MLEC: variants seen among roughly 807,000 people sequenced by gnomAD.
MLEC encodes oligosaccharyltransferase complex subunit (non-catalytic).
In MLEC, 7 loss-of-function variants were observed where a neutral mutation model predicts 28.7. The ratio of observed to expected loss-of-function variants is 0.24; its 90% CI spans 0.14 to 0.46. The LOEUF (loss-of-function observed/expected upper bound fraction) is 0.46, where lower values mean the gene tolerates loss of function less well. MLEC is among the 20% of genes least tolerant of loss of function. The pLI is 0.99. For missense variants in MLEC, 237 were observed against 391.1 expected, an observed-to-expected ratio of 0.61 and a Z score of 3.32; for synonymous variants, 142 against 164.4, an observed-to-expected ratio of 0.86 and a Z score of 1.04.
At chr12:120,691,401 C>G (rs1315918311) in intron 1 of MLEC, among the ~76,000 whole-genome samples, 1 of 152,250 alleles carries the variant, frequency 6.6e-6, no homozygotes, top group Non-Finnish European at 1.5e-5. Flanking sequence ...GAGAAAACAA[C>G]TTGTTCAGTG....
In MLEC at chr12:120,695,473, T is replaced by C. The variant is rs966326117; in HGVS notation, c.649+321T>C. 2.6e-5 allele frequency among the ~76,000 whole-genome samples: 4 copies of C among 152,124 alleles called. No individual in the cohort carries two copies. The East Asian group carries it at 5.8e-4, about 22-fold the overall frequency. On this transcript the variant is annotated intron_variant, in intron 4 of 4. Coordinates refer to ENST00000228506, the MANE Select transcript of MLEC (RefSeq NM_014730.4). ...GTAGTCATTTGGGATCACCTAAAAC[T>C]TGTCCTTATTCTGTTTGTTTGACAT... is the stretch of plus-strand genomic sequence containing the variant.
intron 1 of MLEC, among the ~76,000 whole-genome samples, chr12:120,689,657 C>T (rs1349563913): frequency 1.3e-5 from 2 of 152,212 alleles, no homozygotes; most frequent in Non-Finnish European, 2.9e-5. Flanking sequence ...CAAGGGAAGT[C>T]CAGCTGTTCA....
Position 120,694,313 on chromosome 12 carries a change from G to T in MLEC, c.414+44G>T. ...GCTGCTTGACCAGTAGGACATTGCT[G>T]CTCTTGGACAATCCACGATTATGGG... On this transcript the variant is annotated intron_variant, in intron 2 of 4. Transcript: ENST00000228506. The surrounding 1 kb of genome is among the most constrained non-coding windows in gnomAD (Gnocchi z 4.5). 1 of 1,587,120 alleles carries T rather than the reference G, an allele frequency of 6.3e-7. No homozygotes were observed. Among genetic ancestry groups the T allele is most frequent in the Non-Finnish European group, 8.6e-7 (1 of 1,162,456 alleles).
intron 1 of MLEC, among the ~76,000 whole-genome samples, chr12:120,692,959 G>T (rs1395973260): frequency 6.6e-6 from 1 of 152,048 alleles, no homozygotes; most frequent in Non-Finnish European, 1.5e-5. Context: ...GGTGGCTCAC[G>T]CCTGTAATCC....
intron 1 of MLEC, among the ~76,000 whole-genome samples, chr12:120,691,844 C>T (rs1361738757): frequency 6.6e-6 from 1 of 152,008 alleles, no homozygotes; most frequent in Non-Finnish European, 1.5e-5. Flanking sequence ...CAGTTCCTCA[C>T]TTTTTCCACT....
chr12:120,692,201 A>G (rs1227435446), intron 1 of MLEC, among the ~76,000 whole-genome samples: 1 of 152,176 alleles, frequency 6.6e-6, no homozygotes, highest in Non-Finnish European at 1.5e-5. Flanking sequence ...TTCCCCACCC[A>G]TGCACAAAAT....
rs574993917 is a variant in MLEC, at chr12:120,699,084, C to T, written c.*2539C>T. ...TTGTTTTTGTTTTTGTTTTGTGGCT[C>T]CTCCAAGATATAGGTACATGAAGTT... On this transcript the variant is annotated 3_prime_UTR_variant, in exon 5 of 5. Coordinates refer to ENST00000228506, the MANE Select transcript of MLEC (RefSeq NM_014730.4). 2 of 152,638 alleles carry T rather than the reference C, an allele frequency of 1.3e-5. No individual in the cohort carries two copies. The highest frequency in any genetic ancestry group is 4.8e-5 in the African/African-American group (2 of 41,498). 9.5% of individuals were successfully genotyped at this position (152,638 alleles called of 1,614,324 possible). A position where few individuals can be genotyped will look rare whatever the true frequency, so the allele number is the denominator to read the frequency against.
rs917226221 is a variant in MLEC, at chr12:120,699,372, A to T, written c.*2827A>T. 6.6e-6 allele frequency: 1 copy of T among 152,470 alleles called. No individual in the cohort carries two copies. The highest frequency in any genetic ancestry group is 2.4e-5 in the African/African-American group (1 of 41,426). The allele number at this position is 152,470 out of a possible 1,614,324, so 9.4% of individuals were successfully genotyped here. On this transcript the variant is annotated 3_prime_UTR_variant, in exon 5 of 5. Coordinates refer to ENST00000228506, the MANE Select transcript of MLEC (RefSeq NM_014730.4). ...TTTTAGATCCCACTGAGCCCAGCTG[A>T]CTGAAAACAAGGACAGTCAGGGTGA...
intron 1 of MLEC, among the ~76,000 whole-genome samples, chr12:120,690,645 A>G (rs934894013): frequency 6.6e-6 from 1 of 152,082 alleles, no homozygotes; most frequent in African/African-American, 2.4e-5. Flanking sequence ...ACATAGCTCC[A>G]GAGGGGAAAA....
At chr12:120,688,373 T>C (rs949845470) in intron 1 of MLEC, among the ~76,000 whole-genome samples, 1 of 152,234 alleles carries the variant, frequency 6.6e-6, no homozygotes, top group Non-Finnish European at 1.5e-5. Context: ...CCACTCGAAA[T>C]TGATTATAGT....
At chr12:120,693,601 C>T (rs562323276) in intron 1 of MLEC, among the ~76,000 whole-genome samples, 1 of 152,308 alleles carries the variant, frequency 6.6e-6, no homozygotes, top group East Asian at 1.9e-4. Flanking sequence ...AATGACTTTC[C>T]AAAGCAGATA....
In MLEC at chr12:120,701,710, T is replaced by G. The variant is rs1290140426; in HGVS notation, c.*5165T>G. 1.3e-5 allele frequency: 2 copies of G among 152,786 alleles called. No individual in the cohort carries two copies. Among genetic ancestry groups the G allele is most frequent in the Admixed American group, 6.5e-5 (1 of 15,276 alleles). 9.5% of individuals were successfully genotyped at this position (152,786 alleles called of 1,614,324 possible). A position where few individuals can be genotyped will look rare whatever the true frequency, so the allele number is the denominator to read the frequency against. On this transcript the variant is annotated 3_prime_UTR_variant, in exon 5 of 5. Coordinates refer to ENST00000228506, the MANE Select transcript of MLEC (RefSeq NM_014730.4). This position sits in a 1 kb window ranked among gnomAD's most constrained non-coding sequence, Gnocchi z 4.0. ...TGAACCTGGTTGGCCGGGGAAGCTG[T>G]AGGGGTGGATAGAGCTGGCTTTCCT...
In MLEC at chr12:120,698,165, A is replaced by T. The variant is rs1439212477; in HGVS notation, c.*1620A>T. The T allele has an allele frequency of 1.3e-5, 2 of 152,198 alleles. No individual in the cohort carries two copies. The highest frequency in any genetic ancestry group is 2.4e-5 in the African/African-American group (1 of 41,450). The allele number at this position is 152,198 out of a possible 1,614,324, so 9.4% of individuals were successfully genotyped here. On this transcript the variant is annotated 3_prime_UTR_variant, in exon 5 of 5. Coordinates refer to ENST00000228506, the MANE Select transcript of MLEC (RefSeq NM_014730.4). The stretch of plus-strand genomic sequence containing the variant: ...GCTGGAGCAGTCAATATAGGATCTC[A>T]GGCCAGGCCCGCTTTTCTAGAATGT...
chr12:120,688,856 T>C (rs900625145), intron 1 of MLEC, among the ~76,000 whole-genome samples: 12 of 152,230 alleles, frequency 7.9e-5, no homozygotes, highest in Non-Finnish European at 1.5e-4. Flanking sequence ...TTCAGCTGAC[T>C]CAGGGCTCCA....
chr12:120,699,968 C>G lies in MLEC; in HGVS notation c.*3423C>G, dbSNP rs1248855718. The G allele has an allele frequency of 6.6e-6, 1 of 152,664 alleles. No individual in the cohort carries two copies. Among genetic ancestry groups the G allele is most frequent in the Admixed American group, 6.5e-5 (1 of 15,288 alleles). 9.5% of individuals were successfully genotyped at this position (152,664 alleles called of 1,614,324 possible). ...CTGTTTTAAGGAATTTCTCTTCCTT[C>G]TTCTCCTGCCTCTAGCCTCTCCTGG... is the stretch of plus-strand genomic sequence containing the variant. On this transcript the variant is annotated 3_prime_UTR_variant, in exon 5 of 5. Coordinates refer to ENST00000228506, the MANE Select transcript of MLEC (RefSeq NM_014730.4).
At chr12:120,689,755 G>A (rs1330562673) in intron 1 of MLEC, among the ~76,000 whole-genome samples, 6 of 152,220 alleles carry the variant, frequency 3.9e-5, no homozygotes, top group Admixed American at 3.9e-4. Context: ...ACTGATTGCA[G>A]TAGGAACTGT....
In MLEC at chr12:120,696,035, C is replaced by T. The variant is rs1226496441; in HGVS notation, c.650-281C>T. 6.6e-6 allele frequency among the ~76,000 whole-genome samples: 1 copy of T among 152,200 alleles called. No homozygotes were observed. Among genetic ancestry groups the T allele is most frequent in the Non-Finnish European group, 1.5e-5 (1 of 68,044 alleles). On this transcript the variant is annotated intron_variant, in intron 4 of 4. Coordinates refer to ENST00000228506, the MANE Select transcript of MLEC (RefSeq NM_014730.4). This position sits in a 1 kb window ranked among gnomAD's most constrained non-coding sequence, Gnocchi z 5.4. ...AAGTTTAGGCATTGGATCATTGTCCCTGTCCAGTCTGGTTATCTTGGGGCT... is the reference window on the plus strand; with the variant it reads ...AAGTTTAGGCATTGGATCATTGTCCTTGTCCAGTCTGGTTATCTTGGGGCT...
At position 120,694,738 on chromosome 12, in the gene MLEC, A is replaced by C; in HGVS notation, c.415-86A>C. On this transcript the variant is annotated intron_variant, in intron 2 of 4. Transcript: ENST00000228506. The surrounding 1 kb of genome is among the most constrained non-coding windows in gnomAD (Gnocchi z 4.5). ...TTTCTTAAATTATTTTTGAACTTCA[A>C]GCCCAAACACGTGCATGATGTCCAA... 1 of 1,319,880 alleles carries C rather than the reference A, an allele frequency of 7.6e-7. No individual in the cohort carries two copies. Among genetic ancestry groups the C allele is most frequent in the Admixed American group, 2.2e-5 (1 of 45,428 alleles). 81.8% of individuals were successfully genotyped at this position (1,319,880 alleles called of 1,614,324 possible).
At position 120,699,009 on chromosome 12, in the gene MLEC, TCCC is replaced by T. The variant is rs1882345665; in HGVS notation, c.*2465_*2467del. ...CCAAGCCTATCCAGCTAACAAGAGC[TCCC>T]TGGGGCTGGTCACAGCTGGCTCATG... On this transcript the variant is annotated 3_prime_UTR_variant, in exon 5 of 5. Transcript: ENST00000228506. 1 of 152,632 alleles carries T rather than the reference TCCC, an allele frequency of 6.6e-6. No homozygotes were observed. Among genetic ancestry groups the T allele is most frequent in the South Asian group, 2.1e-4 (1 of 4,830 alleles). 9.5% of individuals were successfully genotyped at this position (152,632 alleles called of 1,614,324 possible).
Sources: gnomAD v4.1 joint callset for allele counts (sites outside exome capture counted in the v4.1 genomes callset) on GRCh38, gnomAD v4.1.1 for gene constraint, Gnocchi (gnomAD v3.1) non-coding constraint, MANE v1.5 for transcripts, NCBI Gene and HGNC (gene_info 2026-07-23, HGNC 2026-07-21) for gene names.